The following ADTRP variants were observed in gnomAD, a reference collection of about 807,000 sequenced individuals.
ADTRP encodes androgen-dependent TFPI-regulating protein.
A neutral mutation model predicts 27.0 loss-of-function variants in ADTRP; 20 were observed. That is an observed-to-expected ratio of 0.74 (90% CI 0.52 to 1.08). The LOEUF (loss-of-function observed/expected upper bound fraction) is 1.08. Ranked by LOEUF, ADTRP falls within the 50% of genes least tolerant of loss-of-function variation. The pLI, the probability that ADTRP is intolerant of heterozygous loss-of-function variation, is 0.00. For missense variants in ADTRP, 251 were observed against 275.0 expected, an observed-to-expected ratio of 0.91 and a Z score of 0.62; for synonymous variants, 101 against 105.2, an observed-to-expected ratio of 0.96 and a Z score of 0.25.
rs746717872 is a variant in ADTRP at position 11,778,738 on chromosome 6, T to G, written c.22A>C (p.Ile8Leu). Residue 8 changes from isoleucine to leucine, a missense_variant, in exon 1 of 6, where the codon ATA becomes CTA. Physicochemically the swap from Ile to Leu is conservative, Grantham distance 5. Transcript: ENST00000414691. ...CAGCTCAGAACAAGGAAGTGGTATA[T>G]GCATGTAGAAGTCTTCGTCATGGCG... is the stretch of plus-strand genomic sequence containing the variant. MTKTSTCIYHFLVLSWYT... is the reference protein window; with the variant it reads MTKTSTCLYHFLVLSWYT... 2.5e-6 allele frequency: 4 copies of G among 1,614,122 alleles called. No homozygotes were observed. The highest frequency in any genetic ancestry group is 3.4e-6 in the Non-Finnish European group (4 of 1,180,044).
At chr6:11,718,822 T>C (rs2113869011) in intron 5 of ADTRP, among the ~76,000 whole-genome samples, 1 of 152,342 alleles carries the variant, frequency 6.6e-6, no homozygotes, top group African/African-American at 2.4e-5. Context: ...GAGGAACCTC[T>C]TGTGAGCTTT....
chr6:11,748,194 A>T (rs1020970165), intron 3 of ADTRP, among the ~76,000 whole-genome samples: 7 of 152,198 alleles, frequency 4.6e-5, no homozygotes, highest in African/African-American at 1.7e-4. Context: ...ATTTCAAGGC[A>T]CTGGTAAGCT....
intron 3 of ADTRP, among the ~76,000 whole-genome samples, chr6:11,750,585 TGCCAGAAACCCTACGG>T (rs1025939281): frequency 2.6e-5 from 4 of 152,214 alleles, no homozygotes; most frequent in Admixed American, 6.5e-5. Flanking sequence ...TTTTCTTAAT[TGCCAGAAACCCTACGG>T]GCCTCTCCTC....
intron 3 of ADTRP, among the ~76,000 whole-genome samples, chr6:11,747,181 A>G (rs1561758795): frequency 6.6e-6 from 1 of 152,128 alleles, no homozygotes; most frequent in Admixed American, 6.5e-5. Context: ...ACTGAAACAA[A>G]ATTTCTCCAA....
intron 4 of ADTRP, among the ~76,000 whole-genome samples, chr6:11,730,792 A>G (rs544610641): frequency 6.6e-6 from 1 of 152,340 alleles, no homozygotes; most frequent in East Asian, 1.9e-4. Context: ...CAGTGTTTGT[A>G]CGGGGCATGC....
intron 3 of ADTRP, among the ~76,000 whole-genome samples, chr6:11,743,947 T>G (rs210931): frequency 0.84 from 128,489 of 152,172 alleles, 54,463 homozygotes; most frequent in East Asian, 1. Flanking sequence ...GCTTGGAAAT[T>G]GGTGTTGGGA....
intron 3 of ADTRP, among the ~76,000 whole-genome samples, chr6:11,741,398 A>G (rs1762710654): frequency 6.6e-6 from 1 of 152,248 alleles, no homozygotes; most frequent in South Asian, 2.1e-4. Flanking sequence ...TTGTCATAAT[A>G]AGACATTGGG....
rs145317567 is a variant in ADTRP at position 11,735,939 on chromosome 6, C to T, written c.391-256G>A. 9.3e-4 allele frequency: 318 copies of T among 342,790 alleles called. 4 individuals are homozygous for T. The East Asian group carries it at 0.017, about 18-fold the overall frequency. 21.2% of individuals were successfully genotyped at this position (342,790 alleles called of 1,614,324 possible). On this transcript the variant is annotated intron_variant, in intron 3 of 5. Transcript: ENST00000414691. ...CTGGTCCTGCTTATTGCCCACTGCT[C>T]CCCTCTCCCTACTTTTTTTTGGCGG...
At chr6:11,740,918 AAAC>A (rs1319426611) in intron 3 of ADTRP, among the ~76,000 whole-genome samples, 6 of 152,334 alleles carry the variant, frequency 3.9e-5, no homozygotes, top group African/African-American at 1.2e-4. Flanking sequence ...GGGACTTAAA[AAAC>A]AACAACTTCC....
At chr6:11,777,908 T>C (rs1764010974) in intron 1 of ADTRP, among the ~76,000 whole-genome samples, 1 of 125,816 alleles carries the variant, frequency 7.9e-6, no homozygotes, top group South Asian at 2.6e-4. Flanking sequence ...TTTAAAAGTA[T>C]TTTTTTAAGC....
intron 3 of ADTRP, among the ~76,000 whole-genome samples, chr6:11,750,730 A>G (rs1191807969): frequency 6.6e-6 from 1 of 152,176 alleles, no homozygotes; most frequent in Admixed American, 6.5e-5. Flanking sequence ...TTTAATCACT[A>G]GTTCTCTTTC....
chr6:11,740,824 T>A (rs1449029880), intron 3 of ADTRP, among the ~76,000 whole-genome samples: 2 of 152,216 alleles, frequency 1.3e-5, no homozygotes, highest in African/African-American at 4.8e-5. Flanking sequence ...TCTTACATCA[T>A]TAAAGATACA....
chr6:11,736,814 C>T (rs1277952710), intron 3 of ADTRP: 41 of 152,248 alleles, frequency 2.7e-4, no homozygotes, highest in Admixed American at 2.7e-3. Flanking sequence ...AGAACACGTT[C>T]CACCCAGTTC....
At chr6:11,767,919 G>A (rs1763628231) in intron 2 of ADTRP, 2 of 236,878 alleles carry the variant, frequency 8.4e-6, no homozygotes. Context: ...CCTCCCCAGG[G>A]CTCTCCATTC....
intron 4 of ADTRP, among the ~76,000 whole-genome samples, chr6:11,724,165 GCCTGCTGAGACATTGAA>G (rs560084738): frequency 1.4e-4 from 21 of 152,320 alleles, no homozygotes; most frequent in African/African-American, 5.1e-4. Flanking sequence ...GAGAGGTATG[GCCTGCTGAGACATTGAA>G]CCTGCTATTA....
chr6:11,747,199 A>G (rs1275428775), intron 3 of ADTRP, among the ~76,000 whole-genome samples: 2 of 152,228 alleles, frequency 1.3e-5, no homozygotes, highest in East Asian at 1.9e-4. Flanking sequence ...CAAAGGTCAC[A>G]AAATTCCTTC....
At position 11,736,354 on chromosome 6, in the gene ADTRP, T is replaced by A. The variant is rs117165168; in HGVS notation, c.391-671A>T. The A allele has an allele frequency of 2.8e-3, 427 of 152,994 alleles. 4 individuals are homozygous for A. In the South Asian group the frequency reaches 0.045, roughly 16 times the overall value. 9.5% of individuals were successfully genotyped at this position (152,994 alleles called of 1,614,324 possible). A position where few individuals can be genotyped will look rare whatever the true frequency, so the allele number is the denominator to read the frequency against. ...CCATGCACTCACACACACATGTTCA[T>A]GCATACTCTCACAGATATTCACACA... On this transcript the variant is annotated intron_variant, in intron 3 of 5. Transcript: ENST00000414691.
chr6:11,716,915 G>A (rs1243992658), intron 5 of ADTRP, among the ~76,000 whole-genome samples: 2 of 145,792 alleles, frequency 1.4e-5, no homozygotes, highest in African/African-American at 5.1e-5. Context: ...TAGTAGAGAT[G>A]GGGTTTCACC....
At chr6:11,718,216 G>C (rs1251585360) in intron 5 of ADTRP, among the ~76,000 whole-genome samples, 1 of 152,226 alleles carries the variant, frequency 6.6e-6, no homozygotes, top group African/African-American at 2.4e-5. Context: ...CCCTGACAAA[G>C]GACAGCCTGA....
Sources: allele counts gnomAD v4.1 joint callset (sites outside exome capture counted in the v4.1 genomes callset), GRCh38; gene constraint gnomAD v4.1.1; transcripts MANE v1.5; gene names NCBI Gene and HGNC (gene_info 2026-07-23, HGNC 2026-07-21).